KCNQ3: variants seen among roughly 807,000 people sequenced by gnomAD.
The protein encoded by KCNQ3 is potassium voltage-gated channel subfamily KQT member 3.
A neutral mutation model predicts 92.5 loss-of-function variants in KCNQ3; 30 were observed. That is an observed-to-expected ratio of 0.32 (90% CI 0.24 to 0.44). KCNQ3 has a LOEUF of 0.44. Ranked by LOEUF, KCNQ3 falls within the 20% of genes least tolerant of loss-of-function variation. KCNQ3 has a pLI of 1.00. For synonymous variants in KCNQ3, 450 were observed against 468.8 expected, an observed-to-expected ratio of 0.96 and a Z score of 0.52; for missense variants, 913 against 1,140.3, an observed-to-expected ratio of 0.80 and a Z score of 2.87.
At chr8:132,431,345 GTCTT>G (rs1241964294) in intron 1 of KCNQ3, among the ~76,000 whole-genome samples, 2 of 152,208 alleles carry the variant, frequency 1.3e-5, no homozygotes, top group African/African-American at 4.8e-5. Flanking sequence ...GTAAGAGTGA[GTCTT>G]TCAGTTCCAG....
intron 4 of KCNQ3, among the ~76,000 whole-genome samples, chr8:132,175,962 G>T (rs750928823): frequency 6.6e-6 from 1 of 152,156 alleles, no homozygotes; most frequent in Non-Finnish European, 1.5e-5. Flanking sequence ...TTGGGTCTAT[G>T]CAGGACTGCG....
chr8:132,433,072 T>C (rs56847975), intron 1 of KCNQ3, among the ~76,000 whole-genome samples: 1,583 of 152,296 alleles, frequency 0.01, 36 homozygotes, highest in African/African-American at 0.036. Flanking sequence ...CCCAAAGAAA[T>C]TGGGGTCAAA....
chr8:132,311,433 T>C lies in KCNQ3; in HGVS notation c.387-125252A>G, dbSNP rs193002525. Among the ~76,000 whole-genome samples, 6 of 152,306 alleles carry C rather than the reference T, an allele frequency of 3.9e-5. No individual in the cohort carries two copies. In the South Asian group the frequency reaches 6.2e-4, roughly 16 times the overall value. ...CAAACAGAATTGGAGGACAGATGTG[T>C]AAACCGTCCTTAAGGAACAGAAAGG... On this transcript the variant is annotated intron_variant, in intron 1 of 14. Coordinates refer to ENST00000388996, the MANE Select transcript of KCNQ3 (RefSeq NM_004519.4).
At chr8:132,448,704 GC>G (rs1472348565) in intron 1 of KCNQ3, among the ~76,000 whole-genome samples, 1 of 152,136 alleles carries the variant, frequency 6.6e-6, no homozygotes, top group Non-Finnish European at 1.5e-5. Context: ...CACGATCTGT[GC>G]CATTTGGATT....
At chr8:132,318,587 T>C (rs1563856932) in intron 1 of KCNQ3, among the ~76,000 whole-genome samples, 1 of 152,240 alleles carries the variant, frequency 6.6e-6, no homozygotes, top group Non-Finnish European at 1.5e-5. Context: ...TGTGTAGTCC[T>C]TGCTATTTGG....
At chr8:132,173,545 A>G (rs1038552276) in intron 6 of KCNQ3, among the ~76,000 whole-genome samples, 1 of 152,242 alleles carries the variant, frequency 6.6e-6, no homozygotes, top group African/African-American at 2.4e-5. Flanking sequence ...TAGAAAATTT[A>G]CTAACCCAAT....
At chr8:132,309,280 G>A (rs1314027914) in intron 1 of KCNQ3, among the ~76,000 whole-genome samples, 1 of 152,034 alleles carries the variant, frequency 6.6e-6, no homozygotes, top group East Asian at 1.9e-4. Context: ...ACCTCTATCT[G>A]ATTAGTTCTG....
At chr8:132,351,272 T>G (rs1004824092) in intron 1 of KCNQ3, among the ~76,000 whole-genome samples, 7 of 152,194 alleles carry the variant, frequency 4.6e-5, no homozygotes, top group African/African-American at 1.7e-4. Context: ...TCATCGAGCT[T>G]AGCCAGTGTT....
intron 1 of KCNQ3, among the ~76,000 whole-genome samples, chr8:132,461,335 G>A (rs534610782): frequency 4.6e-5 from 7 of 152,150 alleles, no homozygotes; most frequent in South Asian, 2.1e-4. Context: ...AGGCCGAGGC[G>A]GGTAGATCAC....
intron 1 of KCNQ3, among the ~76,000 whole-genome samples, chr8:132,450,422 A>G (rs1381202419): frequency 6.6e-6 from 1 of 152,132 alleles, no homozygotes; most frequent in East Asian, 1.9e-4. Context: ...TGATTGGTGC[A>G]TTTTATAATC....
intron 1 of KCNQ3, among the ~76,000 whole-genome samples, chr8:132,327,315 C>T (rs1278727062): frequency 2.0e-5 from 3 of 152,008 alleles, no homozygotes; most frequent in Non-Finnish European, 4.4e-5. Context: ...CCTTTTTTGC[C>T]TTATTTCTTT....
chr8:132,233,936 T>C (rs370495557), intron 1 of KCNQ3, among the ~76,000 whole-genome samples: 2 of 152,084 alleles, frequency 1.3e-5, no homozygotes, highest in African/African-American at 4.8e-5. Flanking sequence ...GTGGGGAAAA[T>C]GACAAAGTAA....
intron 1 of KCNQ3, among the ~76,000 whole-genome samples, chr8:132,269,295 A>G (rs1284600632): frequency 1.3e-5 from 2 of 152,208 alleles, no homozygotes; most frequent in African/African-American, 2.4e-5. Flanking sequence ...ACCCAAAGTC[A>G]TCTAGATTTT....
intron 1 of KCNQ3, among the ~76,000 whole-genome samples, chr8:132,410,206 T>A (rs1177599918): frequency 6.6e-6 from 1 of 152,196 alleles, no homozygotes; most frequent in Non-Finnish European, 1.5e-5. Flanking sequence ...GAGCCTTATT[T>A]TAAAGTGAGG....
intron 1 of KCNQ3, among the ~76,000 whole-genome samples, chr8:132,463,662 T>G (rs1822109686): frequency 6.6e-6 from 1 of 152,200 alleles, no homozygotes; most frequent in Admixed American, 6.5e-5. Context: ...AGCAAATCTT[T>G]TCTTCTACAC....
intron 1 of KCNQ3, among the ~76,000 whole-genome samples, chr8:132,374,681 C>T (rs939734339): frequency 1.1e-4 from 17 of 152,176 alleles, no homozygotes; most frequent in African/African-American, 4.1e-4. Flanking sequence ...TCCTCCCAGC[C>T]TCCACCCTCA....
intron 13 of KCNQ3, among the ~76,000 whole-genome samples, chr8:132,133,205 A>C (rs1824941073): frequency 6.6e-6 from 1 of 152,188 alleles, no homozygotes; most frequent in East Asian, 1.9e-4. Context: ...TTTCTAAAAG[A>C]AGGTAGAGAC....
rs147480712 is a variant in KCNQ3, at chr8:132,362,045, A to C, written c.386+118102T>G. Among the ~76,000 whole-genome samples, 1,178 of 152,276 alleles carry C rather than the reference A, an allele frequency of 7.7e-3. 7 individuals are homozygous for C. Among genetic ancestry groups the C allele is most frequent in the Middle Eastern group, 0.014 (4 of 294 alleles). On this transcript the variant is annotated intron_variant, in intron 1 of 14. Transcript: ENST00000388996. ...TAATTGTGAAATGAGTAGTATTTTG[A>C]ATTATAGGATGTAACTTGAACAAAG...
intron 1 of KCNQ3, among the ~76,000 whole-genome samples, chr8:132,329,968 C>A (rs1312644764): frequency 1.3e-5 from 2 of 152,144 alleles, no homozygotes; most frequent in East Asian, 3.9e-4. Flanking sequence ...TAGGTCTACA[C>A]CCTGGAGCCT....
Sources: gnomAD v4.1 joint callset for allele counts (sites outside exome capture counted in the v4.1 genomes callset) on GRCh38, gnomAD v4.1.1 for gene constraint, MANE v1.5 for transcripts, NCBI Gene and HGNC (gene_info 2026-07-23, HGNC 2026-07-21) for gene names.